Variants in PTPRS observed in about 807,000 individuals in gnomAD.
PTPRS encodes the protein protein tyrosine phosphatase receptor type S.
Under a neutral mutation model 215.3 loss-of-function variants are expected in PTPRS, and 63 were observed. The ratio of observed to expected loss-of-function variants is 0.29; its 90% CI spans 0.24 to 0.36. The LOEUF (loss-of-function observed/expected upper bound fraction) is 0.36. Among genes scored for constraint, PTPRS ranks in the 10% least tolerant of loss-of-function variants. PTPRS has a pLI of 1.00. For synonymous variants in PTPRS, 1,404 were observed against 1,191.4 expected (o/e 1.18, Z -3.68); for missense variants, 2,258 against 2,825.8 (o/e 0.80, Z 4.56).
chr19:5,263,116 T>G, intron 5 of PTPRS, 144 bp from the exon 6 acceptor site: 5 of 742,764 alleles, frequency 6.7e-6, no homozygotes, highest in East Asian at 2.7e-5. Context: ...TTTCTTATGA[T>G]TCCTAAAGTG....
chr19:5,251,402 G>A (rs1156830515), intron 9 of PTPRS, among the ~76,000 whole-genome samples: 6 of 150,852 alleles, frequency 4.0e-5, no homozygotes, highest in Non-Finnish European at 7.4e-5. Context: ...GGTATTTTGA[G>A]CTGGACCTTT....
At chr19:5,221,327 T>C in intron 19 of PTPRS, 74 bp from the exon 20 acceptor site, 1 of 1,536,546 alleles carries the variant, frequency 6.5e-7, no homozygotes, top group Non-Finnish European at 8.8e-7. Flanking sequence ...CCAGGATGAG[T>C]CCCCCACCCT....
intron 2 of PTPRS, 26 bp downstream of exon 2, chr19:5,286,024 C>A: frequency 6.2e-7 from 1 of 1,605,364 alleles, no homozygotes; most frequent in South Asian, 1.1e-5. Flanking sequence ...ACGCAGACCC[C>A]TGCACATCCC....
intron 1 of PTPRS, among the ~76,000 whole-genome samples, chr19:5,291,505 C>G (rs1484011854): frequency 6.6e-6 from 1 of 152,124 alleles, no homozygotes; most frequent in African/African-American, 2.4e-5. Context: ...GGTACCCCTG[C>G]TTCTGCTCAC....
At chr19:5,312,814 C>G (rs1441018947) in intron 1 of PTPRS, among the ~76,000 whole-genome samples, 1 of 152,208 alleles carries the variant, frequency 6.6e-6, no homozygotes, top group Non-Finnish European at 1.5e-5. Flanking sequence ...GATGAGGCAA[C>G]TGAGCATCGG....
At chr19:5,297,959 AT>A (rs893699187) in intron 1 of PTPRS, among the ~76,000 whole-genome samples, 4 of 151,610 alleles carry the variant, frequency 2.6e-5, no homozygotes, top group Admixed American at 6.6e-5. Context: ...CGCCCGGCTA[AT>A]TTTTTGGGTA....
rs1476704390 is a variant in PTPRS at position 5,295,218 on chromosome 19, C to T, written c.-94-8984G>A. On this transcript the variant is annotated intron_variant, in intron 1 of 37. Transcript: ENST00000262963. The surrounding 1 kb of genome is among the most constrained non-coding windows in gnomAD (Gnocchi z 4.6). The stretch of plus-strand genomic sequence containing the variant: ...ACATAAGCCAAGCACTGAACAGGTG[C>T]TCAATGAATCCACACTGTCAGGAGG... Among the ~76,000 whole-genome samples, 1 of 152,260 alleles carries T rather than the reference C, an allele frequency of 6.6e-6. No homozygotes were observed. The highest frequency in any genetic ancestry group is 2.4e-5 in the African/African-American group (1 of 41,480).
chr19:5,279,425 G>A (rs1441699674), intron 2 of PTPRS, among the ~76,000 whole-genome samples: 1 of 150,982 alleles, frequency 6.6e-6, no homozygotes, highest in African/African-American at 2.4e-5. Flanking sequence ...AGGCTGGAGT[G>A]CGGTGGTGCA....
chr19:5,291,816 G>A (rs1004141092), intron 1 of PTPRS, among the ~76,000 whole-genome samples: 1 of 151,850 alleles, frequency 6.6e-6, no homozygotes, highest in African/African-American at 2.4e-5. Flanking sequence ...TTAAAACTCA[G>A]ACTGCTACCT....
intron 1 of PTPRS, among the ~76,000 whole-genome samples, chr19:5,291,691 C>T (rs573795000): frequency 1.3e-5 from 2 of 152,110 alleles, no homozygotes; most frequent in South Asian, 4.2e-4. Flanking sequence ...CACCCTTCCC[C>T]AGCTGGCCCA....
chr19:5,244,919 C>T lies in PTPRS; in HGVS notation c.989-437G>A, dbSNP rs535044070. Among the ~76,000 whole-genome samples the T allele has an allele frequency of 1.4e-4, 22 of 152,018 alleles. No homozygotes were observed. In the East Asian group the frequency reaches 2.9e-3, roughly 20 times the overall value. ...TCCTGACCTCGTGATCCGCCCGCCT[C>T]GGCCTCCCGAAGTGCTGGGATTACA... is the stretch of plus-strand genomic sequence containing the variant. On this transcript the variant is annotated intron_variant, in intron 10 of 37. Coordinates refer to ENST00000262963, the MANE Select transcript of PTPRS (RefSeq NM_002850.4). This position sits in a 1 kb window ranked among gnomAD's most constrained non-coding sequence, Gnocchi z 7.2.
chr19:5,239,686 AATAGAG>A (rs967087726), intron 12 of PTPRS, among the ~76,000 whole-genome samples: 2 of 151,704 alleles, frequency 1.3e-5, no homozygotes, highest in African/African-American at 4.8e-5. Flanking sequence ...GAGAGACAGA[AATAGAG>A]ATAGAGACAG....
At chr19:5,222,375 C>T (rs776067788) in intron 18 of PTPRS, among the ~76,000 whole-genome samples, 155 bp from the exon 19 acceptor site, 7 of 151,290 alleles carry the variant, frequency 4.6e-5, no homozygotes, top group East Asian at 2.0e-4. Context: ...GGCCCTGGCC[C>T]GGCCCTGCCC....
rs1455732532 is a variant in PTPRS at position 5,215,403 on chromosome 19, G to T, written c.4204C>A (p.Pro1402Thr). The change falls in exon 28 of 38, where the codon CCT becomes ACT. Residue 1402 changes from proline (P) to threonine (T), a missense_variant. Around this residue, in one of 6 missense-constraint regions of PTPRS, gnomAD observed 927 missense variants for 1,125.9 expected, o/e 0.82. Coordinates refer to ENST00000262963, the MANE Select transcript of PTPRS (RefSeq NM_002850.4). ...TGTTCCCATGTGAACTGCTGTCCAG[G>T]GTCGATGGACTACAGAGGAAGGGGA... ...KLSQEYESID[P>T]GQQFTWEHSN... The T allele has an allele frequency of 1.2e-5, 19 of 1,613,990 alleles. No homozygotes were observed. Among genetic ancestry groups the T allele is most frequent in the Non-Finnish European group, 1.5e-5 (18 of 1,180,014 alleles).
At chr19:5,291,909 T>TC (rs951839754) in intron 1 of PTPRS, among the ~76,000 whole-genome samples, 8 of 150,744 alleles carry the variant, frequency 5.3e-5, no homozygotes, top group Non-Finnish European at 7.4e-5. Context: ...GACACCTTGA[T>TC]CCCCCCCACT....
chr19:5,308,480 G>T (rs1439535007), intron 1 of PTPRS, among the ~76,000 whole-genome samples: 1 of 152,224 alleles, frequency 6.6e-6, no homozygotes, highest in Admixed American at 6.5e-5. Flanking sequence ...CCACACGGAA[G>T]AGAGGGAATC....
At chr19:5,277,060 T>G (rs1381288171) in intron 2 of PTPRS, among the ~76,000 whole-genome samples, 1 of 143,030 alleles carries the variant, frequency 7.0e-6, no homozygotes, top group East Asian at 2.0e-4. Flanking sequence ...GTTTTGTGTT[T>G]TTTTTTTTTT....
rs371714657 is a variant in PTPRS, at chr19:5,274,280, G to A, written c.156C>T (p.Phe52=). ...QIGVSGGVAS[F]VCQATGDPKP... is the part of the protein sequence containing the mutation. ...TGGGGTCACCCGTGGCCTGACACAC[G>A]AAAGAGGCCACACCCCCCGACACGC... Residue 52 remains phenylalanine (F), a synonymous_variant, in exon 3 of 38, where the codon TTC becomes TTT. Transcript: ENST00000262963. The A allele has an allele frequency of 2.1e-5, 34 of 1,613,920 alleles. No individual in the cohort carries two copies. In the African/African-American group the frequency reaches 2.1e-4, roughly 10 times the overall value.
At chr19:5,240,409 C>T in intron 11 of PTPRS, 77 bp from the exon 12 acceptor site, 3 of 1,387,116 alleles carry the variant, frequency 2.2e-6, no homozygotes, top group Non-Finnish European at 2.8e-6. Context: ...CTGAGTGTCC[C>T]CACTAAAAGA....
Sources: allele counts gnomAD v4.1 joint callset (sites outside exome capture counted in the v4.1 genomes callset), GRCh38; gene constraint gnomAD v4.1.1; regional missense constraint gnomAD v4.1.1; non-coding constraint Gnocchi (gnomAD v3.1); transcripts MANE v1.5; gene names NCBI Gene and HGNC (gene_info 2026-07-23, HGNC 2026-07-21).